The following OR9Q1 variants were observed in gnomAD, a reference collection of about 807,000 sequenced individuals.
The protein encoded by OR9Q1 is olfactory receptor 9Q1.
For synonymous variants in OR9Q1, 153 were observed against 148.6 expected (o/e 1.03, Z -0.22); for missense variants, 374 against 378.8 (o/e 0.99, Z 0.11).
At chr11:58,103,989 C>T (rs549159247) in intron 2 of OR9Q1, among the ~76,000 whole-genome samples, 90 of 152,226 alleles carry the variant, frequency 5.9e-4, no homozygotes, top group Non-Finnish European at 5.3e-4. Flanking sequence ...TGGGCATGCA[C>T]TGCATCAGTA....
chr11:58,075,006 T>C (rs1201407271), intron 2 of OR9Q1, among the ~76,000 whole-genome samples: 2 of 152,196 alleles, frequency 1.3e-5, no homozygotes, highest in African/African-American at 4.8e-5. Flanking sequence ...TTGGTTACTG[T>C]AGCCTTGTAG....
chr11:58,134,072 T>C (rs1178665998), intron 2 of OR9Q1, among the ~76,000 whole-genome samples: 2 of 152,164 alleles, frequency 1.3e-5, no homozygotes, highest in Non-Finnish European at 2.9e-5. Flanking sequence ...TAGAAGCTGA[T>C]TGGCTGAGAA....
chr11:58,041,654 CAG>C (rs1214222084), intron 1 of OR9Q1: 2 of 152,282 alleles, frequency 1.3e-5, no homozygotes, highest in Non-Finnish European at 2.9e-5. Flanking sequence ...CACTGGTTGT[CAG>C]AGCACTTCTG....
chr11:58,118,744 C>T (rs1853987157), intron 2 of OR9Q1: 1 of 1,613,928 alleles, frequency 6.2e-7, no homozygotes, highest in South Asian at 1.1e-5. Context: ...AGTCTTGGCC[C>T]TGCCACCTGA....
rs116309366 is a variant in OR9Q1 at position 58,119,504 on chromosome 11, G to A, written c.-14-59927G>A. 1.8e-4 allele frequency: 208 copies of A among 1,131,870 alleles called. No individual in the cohort carries two copies. In the African/African-American group the frequency reaches 2.9e-3, roughly 16 times the overall value. 70.1% of individuals were successfully genotyped at this position (1,131,870 alleles called of 1,614,324 possible). A position where few individuals can be genotyped will look rare whatever the true frequency, so the allele number is the denominator to read the frequency against. On this transcript the variant is annotated intron_variant, in intron 2 of 2. Coordinates refer to ENST00000335397, the MANE Select transcript of OR9Q1 (RefSeq NM_001005212.4). ...ATGAAATAAAAAGAATCTCAGAATT[G>A]AAGGACAGAATCTTTCCCTCTATGG...
At chr11:58,174,447 G>T (rs1854585310) in intron 2 of OR9Q1, among the ~76,000 whole-genome samples, 1 of 151,878 alleles carries the variant, frequency 6.6e-6, no homozygotes, top group African/African-American at 2.4e-5. Context: ...ACAACCTGGG[G>T]TGCTTATTAC....
At chr11:58,037,692 T>TATATAG (rs1565056527) in intron 1 of OR9Q1, among the ~76,000 whole-genome samples, 5 of 5,834 alleles carry the variant, frequency 8.6e-4, no homozygotes, top group Non-Finnish European at 1.4e-3. Flanking sequence ...TATATATATT[T>TATATAG]TTTTTTTTTT....
intron 2 of OR9Q1, among the ~76,000 whole-genome samples, chr11:58,064,477 A>T (rs1346724246): frequency 6.6e-6 from 1 of 152,150 alleles, no homozygotes; most frequent in Non-Finnish European, 1.5e-5. Context: ...GATGGAGAGC[A>T]GCTCAGACAT....
chr11:58,080,644 G>A (rs746306503), intron 2 of OR9Q1, among the ~76,000 whole-genome samples: 3 of 151,998 alleles, frequency 2.0e-5, no homozygotes, highest in Non-Finnish European at 4.4e-5. Flanking sequence ...CAGCCTCACC[G>A]GCATTTGTTG....
chr11:58,030,837 A>G (rs940576334), intron 1 of OR9Q1: 52 of 690,420 alleles, frequency 7.5e-5, no homozygotes, highest in Admixed American at 1.4e-4. Context: ...TGTTGACATC[A>G]TGTTTCTCTT....
chr11:58,131,852 G>A (rs1420891900), intron 2 of OR9Q1, among the ~76,000 whole-genome samples: 3 of 151,988 alleles, frequency 2.0e-5, no homozygotes, highest in Non-Finnish European at 4.4e-5. Flanking sequence ...CTTTATAACA[G>A]TTATTTTTCT....
At chr11:58,096,331 A>G (rs976079751) in intron 2 of OR9Q1, among the ~76,000 whole-genome samples, 7 of 152,132 alleles carry the variant, frequency 4.6e-5, no homozygotes, top group Non-Finnish European at 1.0e-4. Context: ...ACTATTAAAG[A>G]TTTCTGCACT....
At chr11:58,136,066 A>G (rs1565086720) in intron 2 of OR9Q1, among the ~76,000 whole-genome samples, 1 of 151,998 alleles carries the variant, frequency 6.6e-6, no homozygotes, top group East Asian at 1.9e-4. Flanking sequence ...TGTAGTAGAG[A>G]TTTTGGGGAG....
At chr11:58,025,753 C>T (rs560893228) in intron 1 of OR9Q1, among the ~76,000 whole-genome samples, 1 of 152,288 alleles carries the variant, frequency 6.6e-6, no homozygotes, top group East Asian at 1.9e-4. Context: ...GATTTGAAGG[C>T]ATCAGGTGGT....
chr11:58,101,938 G>T (rs546229150), intron 2 of OR9Q1, among the ~76,000 whole-genome samples: 1 of 152,052 alleles, frequency 6.6e-6, no homozygotes, highest in South Asian at 2.1e-4. Context: ...TACAGACGGG[G>T]TTTCTTCATG....
chr11:58,122,104 C>G (rs1264477053), intron 2 of OR9Q1, among the ~76,000 whole-genome samples: 1 of 152,190 alleles, frequency 6.6e-6, no homozygotes, highest in South Asian at 2.1e-4. Flanking sequence ...GAGGCCCCAT[C>G]TCTAGAATCA....
chr11:58,101,831 C>G (rs1853786015), intron 2 of OR9Q1, among the ~76,000 whole-genome samples: 1 of 152,192 alleles, frequency 6.6e-6, no homozygotes, highest in Admixed American at 6.5e-5. Flanking sequence ...ACTGCAACTT[C>G]CGCCTCCCAG....
intron 2 of OR9Q1, among the ~76,000 whole-genome samples, chr11:58,062,461 A>G (rs571753942): frequency 1.3e-5 from 2 of 152,264 alleles, no homozygotes; most frequent in South Asian, 4.1e-4. Flanking sequence ...CATCAAGCCC[A>G]AGGGTCCTTT....
intron 2 of OR9Q1, among the ~76,000 whole-genome samples, chr11:58,058,170 C>G (rs955293715): frequency 1.3e-5 from 2 of 152,194 alleles, no homozygotes; most frequent in African/African-American, 4.8e-5. Context: ...ATACGTGCCT[C>G]CCAGGAATGG....
Sources: gnomAD v4.1 joint callset for allele counts (sites outside exome capture counted in the v4.1 genomes callset) on GRCh38, gnomAD v4.1.1 for gene constraint, MANE v1.5 for transcripts, NCBI Gene and HGNC (gene_info 2026-07-23, HGNC 2026-07-21) for gene names.